Variants in PALLD observed in about 807,000 individuals in gnomAD.
PALLD encodes the protein palladin.
A neutral mutation model predicts 123.5 loss-of-function variants in PALLD; 61 were observed. The ratio of observed to expected loss-of-function variants is 0.49; its 90% CI spans 0.40 to 0.61. The LOEUF (loss-of-function observed/expected upper bound fraction) is 0.61, where lower values mean the gene tolerates loss of function less well. PALLD is among the 20% of genes least tolerant of loss of function. The pLI is 0.00. For synonymous variants in PALLD, 465 were observed against 496.4 expected (o/e 0.94, Z 0.84); for missense variants, 1,273 against 1,377.0 (o/e 0.92, Z 1.20).
At chr4:168,592,516 C>T (rs1365784094) in intron 2 of PALLD, among the ~76,000 whole-genome samples, 1 of 152,032 alleles carries the variant, frequency 6.6e-6, no homozygotes, top group African/African-American at 2.4e-5. Flanking sequence ...TTAAGTCATG[C>T]TAAAATGTGC....
chr4:168,797,966 A>ACT (rs1301476344), intron 10 of PALLD, among the ~76,000 whole-genome samples: 1 of 151,640 alleles, frequency 6.6e-6, no homozygotes, highest in African/African-American at 2.4e-5. Flanking sequence ...TCTTGAGTTC[A>ACT]GTGTCATCAA....
chr4:168,859,140 C>T (rs1358122314), intron 10 of PALLD, among the ~76,000 whole-genome samples: 2 of 152,200 alleles, frequency 1.3e-5, no homozygotes, highest in African/African-American at 2.4e-5. Context: ...TTACATGACT[C>T]GGGGCTTACC....
At chr4:168,866,209 G>A (rs1457127783) in intron 10 of PALLD, among the ~76,000 whole-genome samples, 1 of 152,188 alleles carries the variant, frequency 6.6e-6, no homozygotes, top group African/African-American at 2.4e-5. Context: ...AGGCTGCAGT[G>A]AGCCAAGATG....
chr4:168,775,674 G>A (rs558726506), intron 10 of PALLD, among the ~76,000 whole-genome samples: 1 of 152,204 alleles, frequency 6.6e-6, no homozygotes, highest in Admixed American at 6.5e-5. Flanking sequence ...TATGTTATAT[G>A]TTTAGACCTA....
intron 10 of PALLD, among the ~76,000 whole-genome samples, chr4:168,862,027 G>A (rs1401063123): frequency 6.6e-6 from 1 of 152,084 alleles, no homozygotes; most frequent in East Asian, 1.9e-4. Flanking sequence ...ATCCAATAGG[G>A]TTTGGAGGGG....
chr4:168,681,452 G>T (rs1162825907), intron 4 of PALLD, 54 bp downstream of exon 4: 24 of 1,154,416 alleles, frequency 2.1e-5, no homozygotes, highest in Non-Finnish European at 2.7e-5. Flanking sequence ...GCAACAGAAT[G>T]GTTGGGGTAT....
rs1332118328 is a variant in PALLD at position 168,903,703 on chromosome 4, A to G, written c.2473-54A>G. The G allele has an allele frequency of 6.2e-6, 9 of 1,440,734 alleles. No homozygotes were observed. The South Asian group carries it at 6.9e-5, about 11-fold the overall frequency. The allele number at this position is 1,440,734 out of a possible 1,614,324, so 89.2% of individuals were successfully genotyped here. ...CACTGTTACTATTTTCAGTTCTCCA[A>G]ATAGAGTAGGAATACACAAACTCCT... On this transcript the variant is annotated intron_variant, in intron 14 of 21. Transcript: ENST00000505667.
intron 10 of PALLD, among the ~76,000 whole-genome samples, chr4:168,785,362 G>C (rs1357475809): frequency 6.6e-6 from 1 of 152,022 alleles, no homozygotes; most frequent in Non-Finnish European, 1.5e-5. Context: ...AGTTCACTCG[G>C]CTAGAACATG....
chr4:168,866,637 A>G (rs1645431062), intron 10 of PALLD, among the ~76,000 whole-genome samples: 1 of 152,266 alleles, frequency 6.6e-6, no homozygotes, highest in African/African-American at 2.4e-5. Context: ...GTTTCTCAAT[A>G]TAATGAACGC....
chr4:168,761,641 GTTTGTTTTTT>G (rs1445796936), intron 10 of PALLD, among the ~76,000 whole-genome samples: 345 of 11,568 alleles, frequency 0.03, 4 homozygotes, highest in African/African-American at 0.06. Flanking sequence ...TGTTGTTGTT[GTTTGTTTTTT>G]TTTTTTTTTT....
chr4:168,614,793 T>C (rs983589620), intron 2 of PALLD, among the ~76,000 whole-genome samples: 1 of 152,082 alleles, frequency 6.6e-6, no homozygotes, highest in African/African-American at 2.4e-5. Flanking sequence ...AACAAAGACT[T>C]CTCTTCTTTC....
intron 10 of PALLD, among the ~76,000 whole-genome samples, chr4:168,875,167 A>ATACTATGG (rs1751577055): frequency 2.6e-5 from 4 of 152,056 alleles, no homozygotes; most frequent in African/African-American, 9.7e-5. Context: ...TATTTCCAAA[A>ATACTATGG]AGTTCAGTTT....
intron 10 of PALLD, among the ~76,000 whole-genome samples, chr4:168,850,523 C>CTT (rs767777801): frequency 0.44 from 15,219 of 34,744 alleles, 5,634 homozygotes; most frequent in East Asian, 0.59. Flanking sequence ...TCTGTCATTT[C>CTT]TTTTTTTTTT....
intron 1 of PALLD, chr4:168,504,962 A>G (rs1761854894): frequency 6.6e-6 from 1 of 152,214 alleles, no homozygotes; most frequent in Non-Finnish European, 1.5e-5. Flanking sequence ...AATTACCAAG[A>G]GCACTGTTTG....
At chr4:168,647,081 A>G (rs1174115552) in intron 2 of PALLD, among the ~76,000 whole-genome samples, 1 of 152,222 alleles carries the variant, frequency 6.6e-6, no homozygotes, top group Non-Finnish European at 1.5e-5. Context: ...CCACCACTCA[A>G]AATAAAAAAT....
At chr4:168,556,265 T>G (rs1767293151) in intron 2 of PALLD, among the ~76,000 whole-genome samples, 1 of 152,030 alleles carries the variant, frequency 6.6e-6, no homozygotes, top group Non-Finnish European at 1.5e-5. Context: ...CCGGCTAATT[T>G]TTTGTATTTT....
intron 10 of PALLD, among the ~76,000 whole-genome samples, chr4:168,773,107 A>T (rs1227275293): frequency 2.0e-5 from 3 of 152,234 alleles, no homozygotes; most frequent in Non-Finnish European, 4.4e-5. Flanking sequence ...ATTTTAGAAC[A>T]TGATAGTAAC....
intron 2 of PALLD, among the ~76,000 whole-genome samples, chr4:168,545,692 G>A (rs886693439): frequency 3.3e-5 from 5 of 152,086 alleles, no homozygotes; most frequent in African/African-American, 9.7e-5. Flanking sequence ...CCAGTTGTGT[G>A]ACTATTGCAC....
At chr4:168,714,028 T>C (rs1785103140) in intron 10 of PALLD, among the ~76,000 whole-genome samples, 1 of 150,346 alleles carries the variant, frequency 6.7e-6, no homozygotes, top group Non-Finnish European at 1.5e-5. Context: ...TTTTTTCGTG[T>C]TGCATATTTA....
Sources: gnomAD v4.1 joint callset for allele counts (sites outside exome capture counted in the v4.1 genomes callset) on GRCh38, gnomAD v4.1.1 for gene constraint, MANE v1.5 for transcripts, NCBI Gene and HGNC (gene_info 2026-07-23, HGNC 2026-07-21) for gene names.